The following ABI1 variants were observed in gnomAD, a reference collection of about 807,000 sequenced individuals.
ABI1 encodes Abelson interactor 1.
Under a neutral mutation model 54.6 loss-of-function variants are expected in ABI1, and 14 were observed. The observed-to-expected ratio is 0.26, with a 90% CI of 0.17 to 0.40. The LOEUF (loss-of-function observed/expected upper bound fraction) is 0.40, where lower values mean the gene tolerates loss of function less well. Among genes scored for constraint, ABI1 ranks in the 10% least tolerant of loss-of-function variants. The pLI is 1.00. For missense variants in ABI1, 443 were observed against 598.3 expected (o/e 0.74, Z 2.71); for synonymous variants, 194 against 209.3 (o/e 0.93, Z 0.63).
intron 1 of ABI1, among the ~76,000 whole-genome samples, chr10:26,857,190 G>A (rs759647518): frequency 2.3e-4 from 35 of 151,724 alleles, no homozygotes; most frequent in Admixed American, 1.4e-3. Flanking sequence ...GCGTGGTGGT[G>A]GGCACCTATA....
chr10:26,799,785 A>G (rs1479086620), intron 2 of ABI1, among the ~76,000 whole-genome samples: 3 of 152,188 alleles, frequency 2.0e-5, no homozygotes, highest in Admixed American at 1.3e-4. Flanking sequence ...TCTTAATGAC[A>G]AATTATAGCA....
chr10:26,828,895 G>C (rs565478938), intron 1 of ABI1, among the ~76,000 whole-genome samples: 12 of 152,276 alleles, frequency 7.9e-5, no homozygotes, highest in Non-Finnish European at 5.9e-5. Flanking sequence ...AGAAAATCCA[G>C]GTTAAGAAAG....
At chr10:26,789,323 T>C (rs1042032433) in intron 2 of ABI1, among the ~76,000 whole-genome samples, 1 of 152,092 alleles carries the variant, frequency 6.6e-6, no homozygotes, top group Admixed American at 6.5e-5. Flanking sequence ...AGAATATACA[T>C]GGAACAAATT....
intron 1 of ABI1, among the ~76,000 whole-genome samples, chr10:26,827,873 G>A (rs1473405019): frequency 6.6e-6 from 1 of 152,176 alleles, no homozygotes; most frequent in African/African-American, 2.4e-5. Flanking sequence ...GATTACAGGC[G>A]TGAGCCACCG....
intron 9 of ABI1, among the ~76,000 whole-genome samples, chr10:26,753,795 T>C (rs1320624080): frequency 6.6e-6 from 1 of 152,208 alleles, no homozygotes; most frequent in Non-Finnish European, 1.5e-5. Flanking sequence ...AGTTAGGGAA[T>C]CTGTGGCACA....
intron 2 of ABI1, among the ~76,000 whole-genome samples, chr10:26,804,095 T>C (rs1454149359): frequency 2.0e-5 from 3 of 151,820 alleles, no homozygotes. Context: ...TCAAATACAA[T>C]AGATCGGCTG....
intron 1 of ABI1, among the ~76,000 whole-genome samples, chr10:26,844,442 C>T (rs2049818736): frequency 6.6e-6 from 1 of 152,170 alleles, no homozygotes; most frequent in Admixed American, 6.5e-5. Context: ...TATGATAGAA[C>T]ATCAAAATTA....
At chr10:26,855,461 A>G (rs1228988519) in intron 1 of ABI1, among the ~76,000 whole-genome samples, 1 of 152,216 alleles carries the variant, frequency 6.6e-6, no homozygotes, top group Non-Finnish European at 1.5e-5. Flanking sequence ...TAACTCTATG[A>G]CTAAACAAAA....
chr10:26,784,550 G>T (rs1487313305), intron 2 of ABI1, among the ~76,000 whole-genome samples: 3 of 151,960 alleles, frequency 2.0e-5, no homozygotes, highest in African/African-American at 7.3e-5. Flanking sequence ...CTGGGGAGGT[G>T]GGGGGGAATG....
At chr10:26,846,121 G>A (rs1408376881) in intron 1 of ABI1, among the ~76,000 whole-genome samples, 32 of 148,970 alleles carry the variant, frequency 2.1e-4, no homozygotes, top group Admixed American at 1.5e-3. Flanking sequence ...CAGTCTGGGC[G>A]ACAGAGTGAG....
chr10:26,777,484 C>T lies in ABI1; in HGVS notation c.286-243G>A, dbSNP rs150163724. ...TCTGGAAAGCAGTTTTCTTTCCTAA[C>T]AATTTGGTATGTGGGCCGGGCATGG... On this transcript the variant is annotated intron_variant, in intron 2 of 10. Transcript: ENST00000376140. 3.6e-3 allele frequency among the ~76,000 whole-genome samples: 545 copies of T among 152,248 alleles called. 5 individuals are homozygous for T. Among genetic ancestry groups the T allele is most frequent in the East Asian group, 0.029 (152 of 5,170 alleles).
chr10:26,764,043 C>A, intron 7 of ABI1: 1 of 1,081,300 alleles, frequency 9.2e-7, no homozygotes, highest in Non-Finnish European at 1.3e-6. Flanking sequence ...TACAATGTAT[C>A]GGGAAGAAAA....
intron 10 of ABI1, among the ~76,000 whole-genome samples, chr10:26,750,986 T>G (rs1292247303): frequency 6.6e-6 from 1 of 152,198 alleles, no homozygotes; most frequent in Non-Finnish European, 1.5e-5. Context: ...CTAATATATT[T>G]TTAAAGACCG....
intron 2 of ABI1, among the ~76,000 whole-genome samples, chr10:26,803,167 A>T (rs2046670045): frequency 6.6e-6 from 1 of 152,170 alleles, no homozygotes; most frequent in African/African-American, 2.4e-5. Context: ...CACTACAAAC[A>T]TACACTTCCA....
chr10:26,772,723 T>C (rs1288888275), intron 3 of ABI1, among the ~76,000 whole-genome samples: 1 of 152,146 alleles, frequency 6.6e-6, no homozygotes, highest in African/African-American at 2.4e-5. Context: ...CTATAAAATT[T>C]TTTATTTAAA....
At position 26,860,623 on chromosome 10, in the gene ABI1, C is replaced by A. The variant is rs1005891670; in HGVS notation, c.117+124G>T. ...CCGGTTGGGGCTGGGGTTGGGGCTGCGGTAGGGGCTCGGGTTGGTGGCAGC... is the reference window on the plus strand; with the variant it reads ...CCGGTTGGGGCTGGGGTTGGGGCTGAGGTAGGGGCTCGGGTTGGTGGCAGC... On this transcript the variant is annotated intron_variant, in intron 1 of 10. Coordinates refer to ENST00000376140, the MANE Select transcript of ABI1 (RefSeq NM_001012750.3). The surrounding 1 kb of genome is among the most constrained non-coding windows in gnomAD (Gnocchi z 4.1). 5.1e-5 allele frequency: 38 copies of A among 746,690 alleles called. No homozygotes were observed. In the East Asian group the frequency reaches 9.0e-4, roughly 18 times the overall value. The allele number at this position is 746,690 out of a possible 1,614,324, so 46.3% of individuals were successfully genotyped here. A position where few individuals can be genotyped will look rare whatever the true frequency, so the allele number is the denominator to read the frequency against.
intron 9 of ABI1, 117 bp downstream of exon 9, chr10:26,755,538 C>G (rs1223525466): frequency 1.3e-6 from 1 of 769,946 alleles, no homozygotes; most frequent in African/African-American, 1.7e-5. Context: ...CATGTCTGCA[C>G]CTATTTTCAA....
chr10:26,852,735 A>C (rs1202595071), intron 1 of ABI1, among the ~76,000 whole-genome samples: 1 of 152,170 alleles, frequency 6.6e-6, no homozygotes, highest in Non-Finnish European at 1.5e-5. Flanking sequence ...GCATTCAGGA[A>C]ATGAGTGAAT....
At chr10:26,773,305 G>A (rs1376476333) in intron 3 of ABI1, among the ~76,000 whole-genome samples, 3 of 144,914 alleles carry the variant, frequency 2.1e-5, no homozygotes, top group East Asian at 2.1e-4. Flanking sequence ...GGGTTCAAGC[G>A]AGTCTCCTGC....
Sources: allele counts gnomAD v4.1 joint callset (sites outside exome capture counted in the v4.1 genomes callset), GRCh38; gene constraint gnomAD v4.1.1; non-coding constraint Gnocchi (gnomAD v3.1); transcripts MANE v1.5; gene names NCBI Gene and HGNC (gene_info 2026-07-23, HGNC 2026-07-21).